Variants in CGGBP1 observed in about 807,000 individuals in gnomAD.
The protein encoded by CGGBP1 is CGG triplet repeat binding protein 1.
CGGBP1 carries 4 observed loss-of-function variants against 11.4 expected under a neutral mutation model. The observed-to-expected ratio is 0.35, with a 90% CI of 0.17 to 0.80. The LOEUF (loss-of-function observed/expected upper bound fraction) is 0.80, where lower values mean the gene tolerates loss of function less well. Ranked by LOEUF, CGGBP1 falls within the 30% of genes least tolerant of loss-of-function variation. The probability of loss-of-function intolerance (pLI) is 0.52; values close to 1 mark genes in which losing one functional copy is unlikely to be tolerated. For missense variants in CGGBP1, 135 were observed against 202.1 expected (o/e 0.67, Z 2.01); for synonymous variants, 76 against 74.1 (o/e 1.03, Z -0.13).
chr3:88,080,329 T>G (rs1708015294), intron 2 of CGGBP1, among the ~76,000 whole-genome samples: 1 of 152,144 alleles, frequency 6.6e-6, no homozygotes, highest in South Asian at 2.1e-4. Flanking sequence ...AAAGCAAGCT[T>G]AATTTTGTTG....
At chr3:88,087,136 TGG>T (rs1559700492) in intron 2 of CGGBP1, among the ~76,000 whole-genome samples, 6 of 151,670 alleles carry the variant, frequency 4.0e-5, no homozygotes, top group African/African-American at 1.5e-4. Context: ...CGGAGTGCAG[TGG>T]TGTGATCTTG....
chr3:88,072,221 T>G (rs1190389589), intron 2 of CGGBP1, among the ~76,000 whole-genome samples: 3 of 152,222 alleles, frequency 2.0e-5, no homozygotes, highest in Non-Finnish European at 4.4e-5. Flanking sequence ...TTCTGTCTAT[T>G]ATGACCCTGA....
At chr3:88,061,286 G>A (rs1329535115), upstream of CGGBP1, among the ~76,000 whole-genome samples, 3 of 152,084 alleles carry the variant, frequency 2.0e-5, no homozygotes, top group African/African-American at 2.4e-5. Context: ...TAGAACAAAT[G>A]ACAAATTTAG....
At chr3:88,056,113 A>G in intron 3 of CGGBP1, 114 bp from the exon 4 acceptor site, 1 of 767,154 alleles carries the variant, frequency 1.3e-6, no homozygotes, top group Non-Finnish European at 2.0e-6. Context: ...ACTTAATTCA[A>G]ATTAGTAGAC....
At chr3:88,113,488 T>A (rs946356810) in intron 2 of CGGBP1, among the ~76,000 whole-genome samples, 1 of 152,182 alleles carries the variant, frequency 6.6e-6, no homozygotes, top group African/African-American at 2.4e-5. Context: ...ACGATTCTTC[T>A]TTGCCAGACT....
chr3:88,135,088 A>G (rs1391275538), intron 2 of CGGBP1: 13 of 1,462,836 alleles, frequency 8.9e-6, no homozygotes, highest in African/African-American at 2.9e-5. Flanking sequence ...GGAGTAAACT[A>G]CAGCTTAAAT....
intron 2 of CGGBP1, among the ~76,000 whole-genome samples, chr3:88,074,595 GC>G (rs1177497025): frequency 7.2e-5 from 11 of 152,104 alleles, no homozygotes; most frequent in African/African-American, 2.7e-4. Flanking sequence ...GCCTGCCTCG[GC>G]CTTCCAAAGT....
upstream of CGGBP1, among the ~76,000 whole-genome samples, chr3:88,060,816 G>A (rs569937454): frequency 2.0e-5 from 3 of 151,852 alleles, no homozygotes; most frequent in Non-Finnish European, 4.4e-5. Context: ...GCTTGTAAGG[G>A]AAAGCTTGTA....
At chr3:88,085,000 C>G (rs1234787569) in intron 2 of CGGBP1, among the ~76,000 whole-genome samples, 1 of 152,174 alleles carries the variant, frequency 6.6e-6, no homozygotes, top group Non-Finnish European at 1.5e-5. Context: ...GTTCTCTGCT[C>G]TGGAGGGAGA....
intron 2 of CGGBP1, chr3:88,113,341 G>A (rs1419047475): frequency 2.1e-6 from 1 of 469,558 alleles, no homozygotes; most frequent in African/African-American, 2.0e-5. Context: ...ATTATTACTG[G>A]CTGATAAAGA....
chr3:88,130,283 C>G (rs551672308), intron 2 of CGGBP1, among the ~76,000 whole-genome samples: 1 of 152,100 alleles, frequency 6.6e-6, no homozygotes, highest in African/African-American at 2.4e-5. Flanking sequence ...AAAACTCTTA[C>G]CACTTTGCTG....
intron 2 of CGGBP1, among the ~76,000 whole-genome samples, chr3:88,065,221 A>T (rs1707126698): frequency 6.6e-6 from 1 of 152,220 alleles, no homozygotes; most frequent in Non-Finnish European, 1.5e-5. Flanking sequence ...ATTAGGAAAA[A>T]ACAAAACAAA....
chr3:88,126,127 C>T (rs1207657531), intron 2 of CGGBP1: 1 of 1,493,674 alleles, frequency 6.7e-7, no homozygotes, highest in Non-Finnish European at 8.9e-7. Context: ...TGATTTTTCT[C>T]TCCTAGGAAT....
At chr3:88,090,860 T>G (rs1432122360) in intron 2 of CGGBP1, among the ~76,000 whole-genome samples, 1 of 152,094 alleles carries the variant, frequency 6.6e-6, no homozygotes, top group Non-Finnish European at 1.5e-5. Context: ...TCTGATAAGC[T>G]AAGAAAAAAA....
At chr3:88,061,418 A>T (rs1706876564), upstream of CGGBP1, among the ~76,000 whole-genome samples, 1 of 152,198 alleles carries the variant, frequency 6.6e-6, no homozygotes, top group Admixed American at 6.5e-5. Flanking sequence ...GAACTTAATG[A>T]ACGTTTATTT....
intron 2 of CGGBP1, among the ~76,000 whole-genome samples, chr3:88,096,942 C>T (rs367549258): frequency 1.3e-4 from 20 of 152,166 alleles, no homozygotes; most frequent in African/African-American, 4.8e-4. Context: ...ATACTATACA[C>T]ACTGTTTTGT....
Position 88,054,679 on chromosome 3 carries a change from C to A in CGGBP1, c.*794G>T, listed in dbSNP as rs376456837. The A allele has an allele frequency of 5.7e-4, 87 of 152,604 alleles. No homozygotes were observed. The highest frequency in any genetic ancestry group is 3.4e-3 in the Middle Eastern group (1 of 294). 9.5% of individuals were successfully genotyped at this position (152,604 alleles called of 1,614,324 possible). On this transcript the variant is annotated 3_prime_UTR_variant, in exon 4 of 4. Coordinates refer to ENST00000482016, the MANE Select transcript of CGGBP1 (RefSeq NM_001008390.2). ...TAAGTAAAAATGCCAATCTTGAAAT[C>A]TTTTAACACCAAGACATAGAAAAAA...
Position 88,058,108 on chromosome 3 carries a change from C to T in CGGBP1, c.-215G>A, listed in dbSNP as rs1440119791. 1 of 152,208 alleles carries T rather than the reference C, an allele frequency of 6.6e-6. No individual in the cohort carries two copies. Among genetic ancestry groups the T allele is most frequent in the Non-Finnish European group, 1.5e-5 (1 of 68,046 alleles). 9.4% of individuals were successfully genotyped at this position (152,208 alleles called of 1,614,324 possible). On this transcript the variant is annotated 5_prime_UTR_variant, in exon 2 of 4. Coordinates refer to ENST00000482016, the MANE Select transcript of CGGBP1 (RefSeq NM_001008390.2). ...GAGACGCATCAAATCCTGGCACTTT[C>T]CGTTTGTTCAACCCCGGAGATGCCT...
chr3:88,146,752 C>T (rs1221430866), intron 1 of CGGBP1, among the ~76,000 whole-genome samples: 4 of 152,060 alleles, frequency 2.6e-5, no homozygotes, highest in Non-Finnish European at 4.4e-5. Context: ...CACCTTTTTG[C>T]CTGTCCCATC....
Sources: allele counts gnomAD v4.1 joint callset (sites outside exome capture counted in the v4.1 genomes callset), GRCh38; gene constraint gnomAD v4.1.1; transcripts MANE v1.5; gene names NCBI Gene and HGNC (gene_info 2026-07-23, HGNC 2026-07-21).